NAALADL2: variants seen among roughly 807,000 people sequenced by gnomAD.
NAALADL2 encodes the protein inactive N-acetylated-alpha-linked acidic dipeptidase-like protein 2.
NAALADL2 carries 76 observed loss-of-function variants against 87.2 expected under a neutral mutation model. The ratio of observed to expected loss-of-function variants is 0.87; its 90% CI spans 0.72 to 1.05. The LOEUF (loss-of-function observed/expected upper bound fraction) is 1.05. Among genes scored for constraint, NAALADL2 ranks in the 50% least tolerant of loss-of-function variants. NAALADL2 has a pLI of 0.00. For synonymous variants in NAALADL2, 354 were observed against 331.0 expected (o/e 1.07, Z -0.75); for missense variants, 1,089 against 945.8 (o/e 1.15, Z -1.99).
At chr3:174,590,873 G>C (rs141184449) in intron 2 of NAALADL2, among the ~76,000 whole-genome samples, 2 of 151,712 alleles carry the variant, frequency 1.3e-5, no homozygotes, top group South Asian at 4.2e-4. Flanking sequence ...TAGCTATTTC[G>C]GTGAAATGAA....
chr3:174,720,583 T>A (rs1175669058), intron 2 of NAALADL2, among the ~76,000 whole-genome samples: 1 of 152,148 alleles, frequency 6.6e-6, no homozygotes, highest in East Asian at 1.9e-4. Flanking sequence ...CATTTTGCAA[T>A]GAAAGCTATG....
intron 3 of NAALADL2, among the ~76,000 whole-genome samples, chr3:174,808,477 T>C (rs976100606): frequency 6.6e-6 from 1 of 152,162 alleles, no homozygotes; most frequent in Non-Finnish European, 1.5e-5. Flanking sequence ...TATGAAAATA[T>C]GTGAACTAGA....
At chr3:175,620,074 G>A (rs201830697) in intron 10 of NAALADL2, among the ~76,000 whole-genome samples, 3 of 147,586 alleles carry the variant, frequency 2.0e-5, no homozygotes, top group African/African-American at 2.5e-5. Context: ...TCTCTTTTTG[G>A]AAAAAAAAAA....
Position 174,474,178 on chromosome 3 carries a change from A to G in NAALADL2, c.-184+33146A>G, listed in dbSNP as rs145380347. On this transcript the variant is annotated intron_variant, in intron 1 of 3. Coordinates refer to the NAALADL2 transcript ENST00000434257. ...TAAAATAGCATCTCATCTTTTCACT[A>G]TTCAGCTTAATGAAAATTACACATG... Among the ~76,000 whole-genome samples, 261 of 152,286 alleles carry G rather than the reference A, an allele frequency of 1.7e-3. 1 individual carries two copies. Among genetic ancestry groups the G allele is most frequent in the African/African-American group, 6.1e-3 (252 of 41,576 alleles).
At chr3:174,756,661 C>T (rs1021159418) in intron 3 of NAALADL2, among the ~76,000 whole-genome samples, 1 of 152,156 alleles carries the variant, frequency 6.6e-6, no homozygotes, top group Non-Finnish European at 1.5e-5. Context: ...ATCTGCTTTG[C>T]ACTGAGGGAG....
At chr3:175,130,685 GTATTT>G (rs1727692993) in intron 2 of NAALADL2, among the ~76,000 whole-genome samples, 1 of 152,172 alleles carries the variant, frequency 6.6e-6, no homozygotes, top group Non-Finnish European at 1.5e-5. Context: ...ATAGAATTAT[GTATTT>G]GTTTCTCTTT....
chr3:175,158,001 A>G, intron 2 of NAALADL2, among the ~76,000 whole-genome samples: 1 of 152,118 alleles, frequency 6.6e-6, no homozygotes, highest in African/African-American at 2.4e-5. Context: ...GAAAAGACTT[A>G]TATAACTTTT....
chr3:175,483,766 C>T (rs1335711283), intron 9 of NAALADL2, among the ~76,000 whole-genome samples: 1 of 152,066 alleles, frequency 6.6e-6, no homozygotes, highest in Non-Finnish European at 1.5e-5. Context: ...GAAAGCAGTG[C>T]AGACATTTCA....
chr3:174,589,883 T>C (rs905069994), intron 2 of NAALADL2, among the ~76,000 whole-genome samples: 7 of 151,386 alleles, frequency 4.6e-5, no homozygotes, highest in Admixed American at 3.3e-4. Flanking sequence ...AAAAGTCATA[T>C]ATATATTTGA....
chr3:174,708,222 G>A (rs987657828), intron 2 of NAALADL2, among the ~76,000 whole-genome samples: 1 of 152,104 alleles, frequency 6.6e-6, no homozygotes, highest in African/African-American at 2.4e-5. Flanking sequence ...GGGAAGCTAT[G>A]GGTATGATAA....
At position 174,965,696 on chromosome 3, in the gene NAALADL2, G is replaced by A. The variant is rs142159639; in HGVS notation, c.43+106246G>A. The stretch of plus-strand genomic sequence containing the variant: ...GGAGGTCCTCAAGGAGGCTTGGTAC[G>A]GGAAAGGATCGATATAAAAATAAAG... On this transcript the variant is annotated intron_variant, in intron 1 of 13. Coordinates refer to ENST00000454872, the MANE Select transcript of NAALADL2 (RefSeq NM_207015.3). Among the ~76,000 whole-genome samples the A allele has an allele frequency of 3.7e-3, 559 of 152,224 alleles. 2 individuals carry two copies. The highest frequency in any genetic ancestry group is 6.0e-3 in the Non-Finnish European group (406 of 67,998).
chr3:175,609,506 C>T (rs71312336), intron 10 of NAALADL2: 1 of 151,874 alleles, frequency 6.6e-6, no homozygotes, highest in Non-Finnish European at 1.5e-5. Context: ...GTATCGTAGC[C>T]AATGAGGTTT....
intron 3 of NAALADL2, among the ~76,000 whole-genome samples, chr3:174,742,433 G>A (rs878921507): frequency 2.0e-5 from 3 of 151,630 alleles, no homozygotes; most frequent in Admixed American, 6.6e-5. Flanking sequence ...AAATAACAGT[G>A]TGGTCAGTTT....
At chr3:174,563,920 C>T (rs2108517501) in intron 2 of NAALADL2, among the ~76,000 whole-genome samples, 1 of 152,236 alleles carries the variant, frequency 6.6e-6, no homozygotes, top group South Asian at 2.1e-4. Flanking sequence ...CTGCAAAGTA[C>T]TGCTTTAAAC....
rs908632498 is a variant in NAALADL2, at chr3:174,532,187, A to G, written c.-183-18382A>G. Among the ~76,000 whole-genome samples the G allele has an allele frequency of 2.6e-5, 4 of 152,168 alleles. No individual in the cohort carries two copies. In the East Asian group the frequency reaches 7.7e-4, roughly 29 times the overall value. On this transcript the variant is annotated intron_variant, in intron 1 of 3. Coordinates refer to the NAALADL2 transcript ENST00000434257. The stretch of plus-strand genomic sequence containing the variant: ...CTTTTCAGTTTCTGGGGGAAGGAGA[A>G]GGGGAAGGGATGTAGAGATGAAGTC...
At chr3:174,843,842 A>AT (rs1350250059) in intron 3 of NAALADL2, among the ~76,000 whole-genome samples, 1 of 151,938 alleles carries the variant, frequency 6.6e-6, no homozygotes, top group Non-Finnish European at 1.5e-5. Flanking sequence ...AAAAGTGACT[A>AT]TTAAGGTCTT....
At chr3:175,574,495 G>A (rs1443255912) in intron 9 of NAALADL2, among the ~76,000 whole-genome samples, 1 of 152,096 alleles carries the variant, frequency 6.6e-6, no homozygotes, top group Non-Finnish European at 1.5e-5. Context: ...TGCCCCAAAC[G>A]AGAACTCTGT....
chr3:175,637,260 A>C (rs1453693822), intron 11 of NAALADL2, among the ~76,000 whole-genome samples: 1 of 152,232 alleles, frequency 6.6e-6, no homozygotes, highest in Non-Finnish European at 1.5e-5. Flanking sequence ...CATGGCTGTC[A>C]GTGATTGGTC....
intron 2 of NAALADL2, among the ~76,000 whole-genome samples, chr3:175,135,438 C>T (rs1234532837): frequency 7.1e-6 from 1 of 140,434 alleles, no homozygotes; most frequent in Non-Finnish European, 1.6e-5. Flanking sequence ...AAAACATAAA[C>T]ACAGATTTGT....
Sources: allele counts gnomAD v4.1 joint callset (sites outside exome capture counted in the v4.1 genomes callset), GRCh38; gene constraint gnomAD v4.1.1; transcripts MANE v1.5; gene names NCBI Gene and HGNC (gene_info 2026-07-23, HGNC 2026-07-21).